The following GRIK4 variants were observed in gnomAD, a reference collection of about 807,000 sequenced individuals.
GRIK4 encodes glutamate receptor ionotropic, kainate 4.
GRIK4 carries 40 observed loss-of-function variants against 104.9 expected under a neutral mutation model. The observed-to-expected ratio is 0.38, with a 90% CI of 0.30 to 0.50. The LOEUF is 0.50. GRIK4 is among the 20% of genes least tolerant of loss of function. The pLI is 0.93. For synonymous variants in GRIK4, 485 were observed against 524.9 expected, an observed-to-expected ratio of 0.92 and a Z score of 1.04; for missense variants, 1,047 against 1,308.1, an observed-to-expected ratio of 0.80 and a Z score of 3.08.
intron 16 of GRIK4, among the ~76,000 whole-genome samples, chr11:120,958,200 T>C (rs985210608): frequency 2.0e-5 from 3 of 152,242 alleles, no homozygotes; most frequent in Non-Finnish European, 4.4e-5. Context: ...TAGAACCCCA[T>C]TGCCCACTTT....
intron 1 of GRIK4, among the ~76,000 whole-genome samples, chr11:120,548,822 C>T (rs1301379985): frequency 6.6e-6 from 1 of 152,196 alleles, no homozygotes; most frequent in Non-Finnish European, 1.5e-5. Flanking sequence ...TAATCCATCA[C>T]ACTCGCTCAG....
In GRIK4 at chr11:120,737,230, G is replaced by A. The variant is rs963862975; in HGVS notation, c.83-65463G>A. On this transcript the variant is annotated intron_variant, in intron 3 of 20. Transcript: ENST00000527524. ...CTTTTCTTGTCACTACTATTTGAAT[G>A]TATTATTTGAATAACCAAATAATAA... Among the ~76,000 whole-genome samples, 12 of 152,088 alleles carry A rather than the reference G, an allele frequency of 7.9e-5. 1 individual carries two copies. Among genetic ancestry groups the A allele is most frequent in the Non-Finnish European group, 1.6e-4 (11 of 68,014 alleles).
At chr11:120,608,229 G>A (rs529187318) in intron 1 of GRIK4, among the ~76,000 whole-genome samples, 11 of 152,354 alleles carry the variant, frequency 7.2e-5, no homozygotes, top group Admixed American at 2.6e-4. Context: ...CCAGCCAGCT[G>A]GGAGTGCAGC....
chr11:120,954,229 G>T (rs1944080115), intron 15 of GRIK4, among the ~76,000 whole-genome samples: 1 of 152,104 alleles, frequency 6.6e-6, no homozygotes, highest in South Asian at 2.1e-4. Flanking sequence ...AGGTCCCCAA[G>T]ATCAGGAAGG....
rs779324606 is a variant in GRIK4, at chr11:120,905,344, C to T, written c.1327C>T (p.Arg443Cys). 8 of 1,613,920 alleles carry T rather than the reference C, an allele frequency of 5.0e-6. No homozygotes were observed. Among genetic ancestry groups the T allele is most frequent in the African/African-American group, 2.7e-5 (2 of 74,934 alleles). Residue 443 changes from arginine to cysteine, a missense_variant, in exon 13 of 21, where the codon CGC (arginine) becomes TGC (cysteine). Transcript: ENST00000527524. This position sits in a 1 kb window ranked among gnomAD's most constrained non-coding sequence, Gnocchi z 5.1. ...GNHQEMEGND[R>C]YEGFCVDMLK... ...CCACCAGGAGATGGAAGGCAATGAC[C>T]GCTACGAGGGCTTCTGTGTGGACAT...
At chr11:120,551,471 T>C (rs1442110374) in intron 1 of GRIK4, among the ~76,000 whole-genome samples, 1 of 152,206 alleles carries the variant, frequency 6.6e-6, no homozygotes, top group Non-Finnish European at 1.5e-5. Context: ...ATACCCTTTT[T>C]GTCCAATTAA....
intron 3 of GRIK4, among the ~76,000 whole-genome samples, chr11:120,794,472 ACT>A (rs1952471781): frequency 6.6e-6 from 1 of 151,726 alleles, no homozygotes; most frequent in South Asian, 2.1e-4. Context: ...TCAGAATGTG[ACT>A]CTATTTGGTG....
chr11:120,606,944 G>T (rs1948970699), intron 1 of GRIK4, among the ~76,000 whole-genome samples: 1 of 152,188 alleles, frequency 6.6e-6, no homozygotes, highest in African/African-American at 2.4e-5. Context: ...TTCCGGAGGG[G>T]CCTGGTAGGA....
At chr11:120,768,091 T>C (rs1951870832) in intron 3 of GRIK4, among the ~76,000 whole-genome samples, 1 of 151,992 alleles carries the variant, frequency 6.6e-6, no homozygotes, top group Admixed American at 6.5e-5. Context: ...CTATGAAGAA[T>C]GTCATTGGAA....
At chr11:120,932,881 G>A (rs973514967) in intron 13 of GRIK4, among the ~76,000 whole-genome samples, 8 of 152,190 alleles carry the variant, frequency 5.3e-5, no homozygotes, top group Non-Finnish European at 8.8e-5. Flanking sequence ...GTGAGGAGGT[G>A]TACTGTAAAA....
At chr11:120,949,369 T>G (rs551754846) in intron 14 of GRIK4, among the ~76,000 whole-genome samples, 1 of 152,314 alleles carries the variant, frequency 6.6e-6, no homozygotes, top group East Asian at 1.9e-4. Flanking sequence ...GGGAGCTAAT[T>G]CTAATTTTGC....
At chr11:120,588,407 A>G (rs1948695167) in intron 1 of GRIK4, among the ~76,000 whole-genome samples, 1 of 152,138 alleles carries the variant, frequency 6.6e-6, no homozygotes, top group Admixed American at 6.5e-5. Context: ...CATAGAGGGA[A>G]CAATGCAGTG....
rs1402481906 is a variant in GRIK4 at position 120,953,792 on chromosome 11, C to T, written c.1700+828C>T. Reference sequence around the variant, plus strand: ...CTGCAGGAGAGCCAGCTTAACCCTCCAGAAGTGGGATGAGCCCTGGTGGCT... The same window carrying T: ...CTGCAGGAGAGCCAGCTTAACCCTCTAGAAGTGGGATGAGCCCTGGTGGCT... On this transcript the variant is annotated intron_variant, in intron 15 of 20. Transcript: ENST00000527524. This position sits in a 1 kb window ranked among gnomAD's most constrained non-coding sequence, Gnocchi z 4.9. Among the ~76,000 whole-genome samples, 1 of 152,194 alleles carries T rather than the reference C, an allele frequency of 6.6e-6. No individual in the cohort carries two copies. The highest frequency in any genetic ancestry group is 1.5e-5 in the Non-Finnish European group (1 of 68,024).
intron 18 of GRIK4, chr11:120,963,006 C>G (rs959163751): frequency 9.8e-6 from 2 of 203,594 alleles, no homozygotes; most frequent in African/African-American, 4.6e-5. Context: ...CCTTTTGTTC[C>G]TTTTCTGGCT....
At chr11:120,970,988 A>C (rs569513133) in intron 19 of GRIK4, among the ~76,000 whole-genome samples, 1 of 152,320 alleles carries the variant, frequency 6.6e-6, no homozygotes, top group East Asian at 1.9e-4. Flanking sequence ...AACAGAGGTA[A>C]TAATAGCATG....
chr11:120,963,991 ATTTATTT>A (rs1565466445), intron 18 of GRIK4, among the ~76,000 whole-genome samples: 3 of 10,416 alleles, frequency 2.9e-4, no homozygotes, highest in Non-Finnish European at 3.3e-4. Context: ...TTATTTATTT[ATTTATTT>A]TTATTTATTT....
Position 120,789,295 on chromosome 11 carries a change from A to G in GRIK4, c.83-13398A>G, listed in dbSNP as rs138181356. 6.3e-3 allele frequency among the ~76,000 whole-genome samples: 955 copies of G among 152,280 alleles called. 17 individuals are homozygous for G. Among genetic ancestry groups the G allele is most frequent in the African/African-American group, 0.021 (867 of 41,538 alleles). The stretch of plus-strand genomic sequence containing the variant: ...GCCCTTCTCCAAAAACAAAAAAAGA[A>G]CAATCTTCCTCTCTATCCCCCTGTA... On this transcript the variant is annotated intron_variant, in intron 3 of 20. Transcript: ENST00000527524.
At chr11:120,673,426 C>T (rs1950052367) in intron 3 of GRIK4, among the ~76,000 whole-genome samples, 2 of 152,188 alleles carry the variant, frequency 1.3e-5, no homozygotes, top group African/African-American at 4.8e-5. Flanking sequence ...CTGCTGGCTC[C>T]CTGTCCCCAT....
intron 1 of GRIK4, among the ~76,000 whole-genome samples, chr11:120,576,125 G>A (rs890085624): frequency 2.6e-5 from 4 of 152,064 alleles, no homozygotes; most frequent in African/African-American, 7.2e-5. Context: ...TGAATGTGTC[G>A]CCTAATTGCA....
Sources: allele counts gnomAD v4.1 joint callset (sites outside exome capture counted in the v4.1 genomes callset), GRCh38; gene constraint gnomAD v4.1.1; non-coding constraint Gnocchi (gnomAD v3.1); transcripts MANE v1.5; gene names NCBI Gene and HGNC (gene_info 2026-07-23, HGNC 2026-07-21).